Variants in TENM3 observed in about 807,000 individuals in gnomAD.
The protein encoded by TENM3 is teneurin transmembrane protein 3.
A neutral mutation model predicts 255.1 loss-of-function variants in TENM3; 63 were observed. The ratio of observed to expected loss-of-function variants is 0.25; its 90% CI spans 0.20 to 0.30. TENM3 has a LOEUF of 0.30. Among genes scored for constraint, TENM3 ranks in the 10% least tolerant of loss-of-function variants. The pLI is 1.00. For missense variants in TENM3, 2,929 were observed against 3,461.1 expected, an observed-to-expected ratio of 0.85 and a Z score of 3.86; for synonymous variants, 1,306 against 1,322.3, an observed-to-expected ratio of 0.99 and a Z score of 0.27.
At chr4:182,269,223 G>C (rs999502376) in intron 1 of TENM3, among the ~76,000 whole-genome samples, 1 of 152,178 alleles carries the variant, frequency 6.6e-6, no homozygotes, top group African/African-American at 2.4e-5. Flanking sequence ...TGGTCTTCAG[G>C]GGTGTTTCTG....
intron 1 of TENM3, among the ~76,000 whole-genome samples, chr4:182,225,651 G>A (rs1477947032): frequency 6.6e-6 from 1 of 152,220 alleles, no homozygotes; most frequent in African/African-American, 2.4e-5. Flanking sequence ...GAGGGAAAGA[G>A]GAACTGCAGA....
rs556437603 is a variant in TENM3 at position 182,335,322 on chromosome 4, C to T, written c.232+11070C>T. ...GACCATCCTGTGAATGGTGAAACCC[C>T]GTCTCTACTAAAAATACAAAAAATT... On this transcript the variant is annotated intron_variant, in intron 2 of 27. Coordinates refer to ENST00000511685, the MANE Select transcript of TENM3 (RefSeq NM_001080477.4). Among the ~76,000 whole-genome samples the T allele has an allele frequency of 2.1e-3, 241 of 116,158 alleles. 7 individuals are homozygous for T. Among genetic ancestry groups the T allele is most frequent in the African/African-American group, 7.6e-3 (232 of 30,698 alleles). The allele number at this position is 116,158 out of a possible 152,430, so 76.2% of individuals were successfully genotyped here.
the TENM3 span, among the ~76,000 whole-genome samples, chr4:181,991,011 T>G: frequency 6.6e-6 from 1 of 152,184 alleles, no homozygotes; most frequent in African/African-American, 2.4e-5. Flanking sequence ...TCAGCAAATT[T>G]TAACAATTAT....
At chr4:182,478,734 A>C (rs1177013348) in intron 3 of TENM3, among the ~76,000 whole-genome samples, 1 of 152,056 alleles carries the variant, frequency 6.6e-6, no homozygotes, top group Non-Finnish European at 1.5e-5. Context: ...CCAGAAAGGA[A>C]ATACACAAAC....
At chr4:182,029,795 A>G in the TENM3 span, among the ~76,000 whole-genome samples, 2 of 152,154 alleles carry the variant, frequency 1.3e-5, no homozygotes, top group African/African-American at 4.8e-5. Context: ...GAAATTGAAT[A>G]TGTTTAATTT....
the TENM3 span, among the ~76,000 whole-genome samples, chr4:182,111,367 CT>C: frequency 2.0e-5 from 3 of 151,982 alleles, no homozygotes; most frequent in African/African-American, 7.3e-5. Flanking sequence ...TCACTGAGGC[CT>C]TTTAATTCAT....
rs1345190869 is a variant in TENM3 at position 182,185,146 on chromosome 4, G to A, written c.-76+40392G>A. 2.0e-4 allele frequency among the ~76,000 whole-genome samples: 31 copies of A among 152,074 alleles called. 1 individual carries two copies. The highest frequency in any genetic ancestry group is 2.0e-3 in the Admixed American group (31 of 15,256). On this transcript the variant is annotated intron_variant, in intron 1 of 2. Transcript: ENST00000512480. ...GACAGAAGCTGTCAAAAAACGGATT[G>A]CAAATGTGGCTTGGGGTGTCTTCCA... is the stretch of plus-strand genomic sequence containing the variant.
chr4:182,588,417 T>C (rs1009659177), intron 3 of TENM3, among the ~76,000 whole-genome samples: 2 of 152,226 alleles, frequency 1.3e-5, no homozygotes, highest in Non-Finnish European at 2.9e-5. Flanking sequence ...GTAGCTTTAT[T>C]TGCCTTCCAC....
At chr4:182,009,866 G>A in the TENM3 span, among the ~76,000 whole-genome samples, 2,083 of 152,324 alleles carry the variant, frequency 0.014, 49 homozygotes, top group African/African-American at 0.047. Context: ...CCTATCCGTG[G>A]ATTACACAGT....
chr4:181,505,258 T>C, the TENM3 span, among the ~76,000 whole-genome samples: 100 of 152,308 alleles, frequency 6.6e-4, no homozygotes, highest in African/African-American at 2.2e-3. Context: ...AGGAAGAAAT[T>C]GTTAAAATGC....
At chr4:181,916,905 C>G in the TENM3 span, among the ~76,000 whole-genome samples, 1 of 151,908 alleles carries the variant, frequency 6.6e-6, no homozygotes, top group African/African-American at 2.4e-5. Context: ...GTAGAAGCAG[C>G]AGGACTTGGA....
chr4:182,460,201 G>A (rs1580626883), intron 3 of TENM3, among the ~76,000 whole-genome samples: 1 of 152,038 alleles, frequency 6.6e-6, no homozygotes, highest in Admixed American at 6.6e-5. Flanking sequence ...TAGGACAGAG[G>A]ACGTAAAAAT....
At chr4:181,836,977 T>C in the TENM3 span, among the ~76,000 whole-genome samples, 18 of 108,364 alleles carry the variant, frequency 1.7e-4, no homozygotes, top group Non-Finnish European at 3.3e-4. Context: ...GCTCACATTT[T>C]ATTATTCTTA....
the TENM3 span, among the ~76,000 whole-genome samples, chr4:181,542,377 G>C: frequency 6.6e-6 from 1 of 152,104 alleles, no homozygotes; most frequent in Non-Finnish European, 1.5e-5. Flanking sequence ...GAAAGTTTGG[G>C]TCTTATTCTA....
the TENM3 span, among the ~76,000 whole-genome samples, chr4:181,692,728 T>C: frequency 6.6e-6 from 1 of 152,100 alleles, no homozygotes; most frequent in East Asian, 1.9e-4. Context: ...AGAGTAGGCA[T>C]GGAGGTACAG....
chr4:181,580,832 G>T, the TENM3 span, among the ~76,000 whole-genome samples: 1 of 152,206 alleles, frequency 6.6e-6, no homozygotes, highest in African/African-American at 2.4e-5. Context: ...TCCTACTGAA[G>T]TTGGTGGTGC....
the TENM3 span, among the ~76,000 whole-genome samples, chr4:181,920,598 A>T: frequency 3.3e-5 from 5 of 151,734 alleles, no homozygotes; most frequent in South Asian, 1.0e-3. Context: ...TTTTCTTGTA[A>T]ATTTGTTTGA....
chr4:181,705,024 A>C, the TENM3 span, among the ~76,000 whole-genome samples: 1 of 144,958 alleles, frequency 6.9e-6, no homozygotes, highest in Non-Finnish European at 1.5e-5. Context: ...TGACAGAGTG[A>C]GACTCCATCT....
intron 1 of TENM3, among the ~76,000 whole-genome samples, chr4:182,306,729 A>G (rs549530380): frequency 1.3e-5 from 2 of 152,204 alleles, no homozygotes; most frequent in South Asian, 2.1e-4. Context: ...CTAGGGTTTC[A>G]TGATTTTCAA....
Sources: gnomAD v4.1 joint callset for allele counts (sites outside exome capture counted in the v4.1 genomes callset) on GRCh38, gnomAD v4.1.1 for gene constraint, MANE v1.5 for transcripts, NCBI Gene and HGNC (gene_info 2026-07-23, HGNC 2026-07-21) for gene names.